The following TMEM117 variants were observed in gnomAD, a reference collection of about 807,000 sequenced individuals.
The protein encoded by TMEM117 is transmembrane protein 117.
In TMEM117, 27 loss-of-function variants were observed where a neutral mutation model predicts 52.4. The observed-to-expected ratio is 0.51, with a 90% CI of 0.38 to 0.71. TMEM117 has a LOEUF of 0.71. Ranked by LOEUF, TMEM117 falls within the 30% of genes least tolerant of loss-of-function variation. The pLI is 0.00. For synonymous variants in TMEM117, 215 were observed against 206.3 expected (o/e 1.04, Z -0.36); for missense variants, 556 against 630.5 (o/e 0.88, Z 1.26).
At chr12:43,849,964 T>C (rs1038310541) in intron 2 of TMEM117, among the ~76,000 whole-genome samples, 1 of 152,232 alleles carries the variant, frequency 6.6e-6, no homozygotes, top group African/African-American at 2.4e-5. Flanking sequence ...TTGTTCATTA[T>C]GGATTTTGCT....
intron 2 of TMEM117, among the ~76,000 whole-genome samples, chr12:43,909,718 C>G (rs1253034513): frequency 1.3e-5 from 2 of 151,690 alleles, no homozygotes; most frequent in Admixed American, 6.6e-5. Context: ...ACAAACACCT[C>G]TACGCAAATA....
At chr12:44,351,779 A>G (rs1331632036) in intron 6 of TMEM117, among the ~76,000 whole-genome samples, 2 of 151,956 alleles carry the variant, frequency 1.3e-5, no homozygotes, top group Admixed American at 6.6e-5. Context: ...AGCCAAACCT[A>G]TTGTGTTTGT....
At chr12:44,122,237 G>A (rs1948248621) in intron 3 of TMEM117, among the ~76,000 whole-genome samples, 1 of 151,704 alleles carries the variant, frequency 6.6e-6, no homozygotes. Context: ...GTAGAGACGG[G>A]GTTTCACTGT....
chr12:44,060,839 AT>A (rs1005286880), intron 3 of TMEM117, among the ~76,000 whole-genome samples: 24 of 152,168 alleles, frequency 1.6e-4, no homozygotes, highest in African/African-American at 5.3e-4. Flanking sequence ...ATATGCTTTT[AT>A]TTTGTAAATG....
intron 3 of TMEM117, among the ~76,000 whole-genome samples, chr12:44,026,633 G>C (rs1390406900): frequency 6.6e-6 from 1 of 152,002 alleles, no homozygotes; most frequent in Non-Finnish European, 1.5e-5. Flanking sequence ...ATGAGAGTAG[G>C]ACTGGAACAC....
At chr12:44,301,808 C>T (rs771548984) in intron 6 of TMEM117, among the ~76,000 whole-genome samples, 12 of 152,166 alleles carry the variant, frequency 7.9e-5, no homozygotes, top group Non-Finnish European at 1.6e-4. Context: ...GGCAATCACC[C>T]TCTAGCTGTC....
intron 3 of TMEM117, among the ~76,000 whole-genome samples, chr12:44,090,312 A>G (rs1032332824): frequency 4.6e-5 from 7 of 151,256 alleles, no homozygotes; most frequent in African/African-American, 1.5e-4. Context: ...TGGTTTTTCA[A>G]CCCTTGCTCC....
At chr12:44,132,590 A>G (rs1224226911) in intron 3 of TMEM117, among the ~76,000 whole-genome samples, 1 of 152,150 alleles carries the variant, frequency 6.6e-6, no homozygotes, top group Non-Finnish European at 1.5e-5. Flanking sequence ...CGTGCTCCAG[A>G]AAAAGTCAAT....
At chr12:44,137,214 A>G (rs1471935818) in intron 3 of TMEM117, among the ~76,000 whole-genome samples, 1 of 152,114 alleles carries the variant, frequency 6.6e-6, no homozygotes, top group African/African-American at 2.4e-5. Context: ...ACATAGAGGT[A>G]TAGTCAAAGT....
chr12:44,354,132 C>T (rs1361682501), intron 6 of TMEM117, among the ~76,000 whole-genome samples: 3 of 152,184 alleles, frequency 2.0e-5, no homozygotes, highest in African/African-American at 7.2e-5. Context: ...GTGATTTTTG[C>T]ACATTGATTT....
chr12:43,797,645 C>T, the TMEM117 span: 2 of 1,546,642 alleles, frequency 1.3e-6, no homozygotes, highest in Non-Finnish European at 1.7e-6. Context: ...TAATAATAAA[C>T]CCTATATGAG....
intron 3 of TMEM117, among the ~76,000 whole-genome samples, chr12:44,045,414 C>T (rs1268151130): frequency 6.6e-6 from 1 of 152,254 alleles, no homozygotes; most frequent in African/African-American, 2.4e-5. Context: ...TAGACATTTA[C>T]TCCGGATATG....
rs1343953327 is a variant in TMEM117 at position 44,376,622 on chromosome 12, G to A, written c.796G>A (p.Asp266Asn). The change falls in exon 7 of 8, where the codon GAT (aspartate) becomes AAT (asparagine). Residue 266 changes from aspartate (D) to asparagine (N), a missense_variant. Around this residue, in one of 3 missense-constraint regions of TMEM117, gnomAD observed 328 missense variants for 371.4 expected, o/e 0.88. Transcript: ENST00000266534. ...QDWEFPHFMG[D>N]VDVNLPGLHT... ...CTGGGAATTCCCACATTTCATGGGAGATGTTGATGTAAATCTCCCTGGTTT... is the reference window on the plus strand; with the variant it reads ...CTGGGAATTCCCACATTTCATGGGAAATGTTGATGTAAATCTCCCTGGTTT... 1.9e-6 allele frequency: 3 copies of A among 1,607,914 alleles called. No homozygotes were observed. Among genetic ancestry groups the A allele is most frequent in the Non-Finnish European group, 2.5e-6 (3 of 1,177,980 alleles).
intron 2 of TMEM117, among the ~76,000 whole-genome samples, chr12:43,927,213 A>G (rs1944793157): frequency 6.6e-6 from 1 of 152,014 alleles, no homozygotes; most frequent in Admixed American, 6.6e-5. Flanking sequence ...AAATTATTTA[A>G]CATTTTGTTA....
At position 43,892,764 on chromosome 12, in the gene TMEM117, G is replaced by C. The variant is rs558706099; in HGVS notation, c.277+47836G>C. ...AATAGATAAAATCCTGTCATGTTTT[G>C]ATCTATAAGAGAAGATAGACTATAA... On this transcript the variant is annotated intron_variant, in intron 2 of 7. Coordinates refer to ENST00000266534, the MANE Select transcript of TMEM117 (RefSeq NM_032256.3). Among the ~76,000 whole-genome samples, 236 of 152,276 alleles carry C rather than the reference G, an allele frequency of 1.5e-3. 1 individual carries two copies. Among genetic ancestry groups the C allele is most frequent in the African/African-American group, 5.6e-3 (232 of 41,546 alleles).
chr12:44,258,718 A>G (rs1343764514), intron 5 of TMEM117, among the ~76,000 whole-genome samples: 2 of 152,208 alleles, frequency 1.3e-5, no homozygotes, highest in Non-Finnish European at 2.9e-5. Context: ...TGGAGAATAC[A>G]GCTATCCTTG....
At chr12:43,877,047 A>C (rs1395977332) in intron 2 of TMEM117, among the ~76,000 whole-genome samples, 2 of 152,146 alleles carry the variant, frequency 1.3e-5, no homozygotes, top group African/African-American at 4.8e-5. Flanking sequence ...AACATAATTT[A>C]TTTCATAGTT....
rs1022709496 is a variant in TMEM117, at chr12:44,211,340, A to T, written c.561A>T (p.Ser187=). The change falls in exon 5 of 8, where the codon TCA becomes TCT. Residue 187 remains serine, a synonymous_variant. Transcript: ENST00000266534. ...QDKPYPDWGK[S]ARAFWKKGNV... ...AACCCTATCCTGACTGGGGAAAATC[A>T]GCAAGAGCTTTCTGGAAGAAAGGAA... 4.3e-6 allele frequency: 7 copies of T among 1,612,446 alleles called. No homozygotes were observed. In the Admixed American group the frequency reaches 5.0e-5, roughly 12 times the overall value.
At chr12:44,242,774 A>ATT (rs896670714) in intron 5 of TMEM117, among the ~76,000 whole-genome samples, 2 of 149,538 alleles carry the variant, frequency 1.3e-5, no homozygotes, top group African/African-American at 4.9e-5. Context: ...TATATTCTGT[A>ATT]TTATATATAT....
Sources: allele counts gnomAD v4.1 joint callset (sites outside exome capture counted in the v4.1 genomes callset), GRCh38; gene constraint gnomAD v4.1.1; regional missense constraint gnomAD v4.1.1; transcripts MANE v1.5; gene names NCBI Gene and HGNC (gene_info 2026-07-23, HGNC 2026-07-21).